Variants in RMDN1 observed in about 807,000 individuals in gnomAD.
RMDN1 encodes the protein regulator of microtubule dynamics 1.
RMDN1 carries 48 observed loss-of-function variants against 48.9 expected under a neutral mutation model. The ratio of observed to expected loss-of-function variants is 0.98; its 90% CI spans 0.78 to 1.25. RMDN1 has a LOEUF of 1.25. Ranked by LOEUF, RMDN1 falls within the 50% of genes most tolerant of loss-of-function variation. RMDN1 has a pLI of 0.00. For synonymous variants in RMDN1, 148 were observed against 132.6 expected (o/e 1.12, Z -0.80); for missense variants, 418 against 373.4 (o/e 1.12, Z -0.98).
Position 86,504,663 on chromosome 8 carries a change from ATGAG to A in RMDN1, c.247+2328_247+2331del, listed in dbSNP as rs1247377857. ...GTTATTAAAGGATGAGTATAATGGG[ATGAG>A]CTTTGTCTTTATCGGGGCTATCTTG... On this transcript the variant is annotated intron_variant, in intron 2 of 9. Coordinates refer to ENST00000406452, the MANE Select transcript of RMDN1 (RefSeq NM_016033.3). 1.3e-5 allele frequency: 11 copies of A among 876,774 alleles called. No individual in the cohort carries two copies. The African/African-American group carries it at 1.8e-4, about 14-fold the overall frequency. 54.3% of individuals were successfully genotyped at this position (876,774 alleles called of 1,614,324 possible).
chr8:86,502,356 CCTCCTGTGTAGCTGGGACAAG>C (rs1421032497), intron 2 of RMDN1, among the ~76,000 whole-genome samples: 1 of 152,050 alleles, frequency 6.6e-6, no homozygotes, highest in African/African-American at 2.4e-5. Context: ...CCTGCCTCAG[CCTCCTGTGTAGCTGGGACAAG>C]CACGCATCAC....
upstream of RMDN1, among the ~76,000 whole-genome samples, chr8:86,510,904 C>T (rs1278214143): frequency 6.6e-6 from 1 of 152,182 alleles, no homozygotes. Context: ...GGGAGAACAG[C>T]TTGAGCCCAG....
upstream of RMDN1, among the ~76,000 whole-genome samples, chr8:86,509,499 G>T (rs1430831814): frequency 6.6e-6 from 1 of 152,036 alleles, no homozygotes; most frequent in Non-Finnish European, 1.5e-5. Context: ...CCTACTATAT[G>T]GGTTTAACGA....
chr8:86,475,636 CA>C (rs1485544154), intron 8 of RMDN1, among the ~76,000 whole-genome samples: 1 of 151,906 alleles, frequency 6.6e-6, no homozygotes, highest in Non-Finnish European at 1.5e-5. Context: ...TGAATGAAAA[CA>C]TGGAATTATC....
chr8:86,481,965 C>A, intron 5 of RMDN1: 2 of 870,572 alleles, frequency 2.3e-6, no homozygotes, highest in Non-Finnish European at 1.9e-6. Flanking sequence ...TTGCTGCAAG[C>A]AGAAATCCAC....
intron 5 of RMDN1, chr8:86,482,350 C>T (rs560104541): frequency 1.5e-4 from 51 of 341,758 alleles, no homozygotes; most frequent in Admixed American, 1.2e-3. Flanking sequence ...TGCAGTAAGC[C>T]GAGATCACAC....
intron 5 of RMDN1, among the ~76,000 whole-genome samples, chr8:86,483,501 AACT>A (rs199873328): frequency 0.022 from 3,382 of 152,350 alleles, 42 homozygotes; most frequent in South Asian, 0.042. Context: ...TATCACTGCC[AACT>A]ACAATGTAAG....
At chr8:86,469,634 ATGTT>A (rs1812384160), downstream of RMDN1, among the ~76,000 whole-genome samples, 1 of 152,186 alleles carries the variant, frequency 6.6e-6, no homozygotes, top group African/African-American at 2.4e-5. Context: ...TTAAGTCTGA[ATGTT>A]TGGTTGAACC....
intron 8 of RMDN1, chr8:86,475,193 C>CA (rs1813164378): frequency 2.7e-6 from 1 of 372,242 alleles, no homozygotes; most frequent in Non-Finnish European, 4.7e-6. Context: ...CTCATTTTCA[C>CA]AACTTTGTAA....
intron 1 of RMDN1, among the ~76,000 whole-genome samples, chr8:86,507,434 T>C (rs1819560247): frequency 6.6e-6 from 1 of 152,132 alleles, no homozygotes; most frequent in Non-Finnish European, 1.5e-5. Context: ...CACCAACACA[T>C]AATAAAAATG....
intron 5 of RMDN1, among the ~76,000 whole-genome samples, chr8:86,483,372 C>G (rs1311580346): frequency 1.3e-5 from 2 of 152,006 alleles, no homozygotes; most frequent in African/African-American, 4.8e-5. Context: ...TTTCTACATC[C>G]TGAGGCACAG....
intron 2 of RMDN1, chr8:86,504,728 T>A (rs912415604): frequency 7.2e-6 from 7 of 976,534 alleles, no homozygotes; most frequent in Non-Finnish European, 8.4e-6. Context: ...CAGGTCCCAT[T>A]TCCTGGTTTA....
Position 86,473,385 on chromosome 8 carries a change from C to CT in RMDN1, c.*922dup. On this transcript the variant is annotated 3_prime_UTR_variant, in exon 10 of 10. Coordinates refer to ENST00000406452, the MANE Select transcript of RMDN1 (RefSeq NM_016033.3). ...AAACATCTTAGTATTCCATTTCACTCTTAAGTTTTGTGTTCCTTCCATTCC... is the reference window on the plus strand; with the variant it reads ...AAACATCTTAGTATTCCATTTCACTCTTTAAGTTTTGTGTTCCTTCCATTCC... 1.0e-6 allele frequency: 1 copy of CT among 985,430 alleles called. No individual in the cohort carries two copies. Among genetic ancestry groups the CT allele is most frequent in the Non-Finnish European group, 1.2e-6 (1 of 829,926 alleles). 61.0% of individuals were successfully genotyped at this position (985,430 alleles called of 1,614,324 possible). A position where few individuals can be genotyped will look rare whatever the true frequency, so the allele number is the denominator to read the frequency against.
In RMDN1 at chr8:86,500,747, G is replaced by A. The variant is rs150403564; in HGVS notation, c.247+6248C>T. Among the ~76,000 whole-genome samples the A allele has an allele frequency of 2.1e-4, 32 of 152,272 alleles. No individual in the cohort carries two copies. The East Asian group carries it at 5.8e-3, about 28-fold the overall frequency. On this transcript the variant is annotated intron_variant, in intron 2 of 9. Transcript: ENST00000406452. Reference sequence around the variant, plus strand: ...ACCAAAGTGACACACACGTCCTTAAGTTCATCACTGCACTGTTCACATTAG... The same window carrying A: ...ACCAAAGTGACACACACGTCCTTAAATTCATCACTGCACTGTTCACATTAG...
chr8:86,488,591 G>A lies in RMDN1; in HGVS notation c.296C>T (p.Thr99Ile). ...GGTTAGCAACTGATAAAGTTTTTCT[G>A]TTTCTCCGCTTTCATACAGGTAGTC... ...QADYLYESGE[T>I]EKLYQLLTQY... Residue 99 changes from threonine (T) to isoleucine (I), a missense_variant, in exon 3 of 10, where the codon ACA (threonine) becomes ATA (isoleucine). Coordinates refer to ENST00000406452, the MANE Select transcript of RMDN1 (RefSeq NM_016033.3). 6.2e-7 allele frequency: 1 copy of A among 1,610,570 alleles called. No individual in the cohort carries two copies. Among genetic ancestry groups the A allele is most frequent in the South Asian group, 1.1e-5 (1 of 90,684 alleles).
Position 86,486,392 on chromosome 8 carries a change from A to G in RMDN1, c.495+92T>C, listed in dbSNP as rs184132110. 167 of 897,736 alleles carry G rather than the reference A, an allele frequency of 1.9e-4. 1 individual carries two copies. Among genetic ancestry groups the G allele is most frequent in the Non-Finnish European group, 2.4e-4 (158 of 653,506 alleles). The allele number at this position is 897,736 out of a possible 1,614,324, so 55.6% of individuals were successfully genotyped here. On this transcript the variant is annotated intron_variant, in intron 4 of 9. Transcript: ENST00000406452. ...AAAGAAAAAAAAACTTAAAATAGAG[A>G]AATTGTTCTTCCAATGTAAATCAGA...
chr8:86,507,939 AAC>A (rs1381032469), intron 1 of RMDN1, among the ~76,000 whole-genome samples: 3 of 152,236 alleles, frequency 2.0e-5, no homozygotes, highest in African/African-American at 7.2e-5. Flanking sequence ...GACAAGAATA[AAC>A]AGAGGCCCAC....
Position 86,472,393 on chromosome 8 carries a change from A to G in RMDN1, c.*1915T>C. 1.4e-6 allele frequency: 1 copy of G among 702,172 alleles called. No individual in the cohort carries two copies. 43.5% of individuals were successfully genotyped at this position (702,172 alleles called of 1,614,324 possible). Reference sequence around the variant, plus strand: ...TTATTCGGTCTCCCTAAAGGAAAAAACCCATTTTAAAAAGCCATCCAGCAG... The same window carrying G: ...TTATTCGGTCTCCCTAAAGGAAAAAGCCCATTTTAAAAAGCCATCCAGCAG... On this transcript the variant is annotated 3_prime_UTR_variant, in exon 10 of 10. Transcript: ENST00000406452.
chr8:86,470,809 T>C (rs919218167), downstream of RMDN1, among the ~76,000 whole-genome samples: 3 of 152,176 alleles, frequency 2.0e-5, no homozygotes, highest in East Asian at 3.9e-4. Flanking sequence ...TTGTATAACA[T>C]TGTTGAAATA....
Sources: allele counts gnomAD v4.1 joint callset (sites outside exome capture counted in the v4.1 genomes callset), GRCh38; gene constraint gnomAD v4.1.1; transcripts MANE v1.5; gene names NCBI Gene and HGNC (gene_info 2026-07-23, HGNC 2026-07-21).